The following TRIM36 variants were observed in gnomAD, a reference collection of about 807,000 sequenced individuals.
TRIM36 encodes the protein E3 ubiquitin-protein ligase TRIM36.
A neutral mutation model predicts 72.4 loss-of-function variants in TRIM36; 42 were observed. That is an observed-to-expected ratio of 0.58 (90% CI 0.45 to 0.75). The LOEUF (loss-of-function observed/expected upper bound fraction) is 0.75. Among genes scored for constraint, TRIM36 ranks in the 30% least tolerant of loss-of-function variants. The pLI is 0.00. For missense variants in TRIM36, 913 were observed against 857.1 expected, an observed-to-expected ratio of 1.07 and a Z score of -0.81; for synonymous variants, 315 against 282.8, an observed-to-expected ratio of 1.11 and a Z score of -1.14.
intron 9 of TRIM36, among the ~76,000 whole-genome samples, chr5:115,129,189 G>A (rs1409211517): frequency 2.0e-5 from 3 of 152,166 alleles, no homozygotes; most frequent in South Asian, 4.1e-4. Flanking sequence ...AACACTCTAT[G>A]ATGTTCTCGC....
upstream of TRIM36, chr5:115,180,274 G>T: frequency 2.3e-6 from 1 of 440,110 alleles, no homozygotes; most frequent in South Asian, 3.5e-5. Flanking sequence ...CAGCGGTCGG[G>T]GCTGCGCGAT....
chr5:115,156,196 C>G (rs1428828118), intron 2 of TRIM36, among the ~76,000 whole-genome samples: 1 of 152,086 alleles, frequency 6.6e-6, no homozygotes, highest in Non-Finnish European at 1.5e-5. Flanking sequence ...ATCCCATGCT[C>G]ACGGATAGGT....
At chr5:115,166,313 A>G (rs1754771559) in intron 1 of TRIM36, among the ~76,000 whole-genome samples, 1 of 152,156 alleles carries the variant, frequency 6.6e-6, no homozygotes, top group Admixed American at 6.5e-5. Flanking sequence ...CCGCAAACTC[A>G]GCCAGACTCT....
At chr5:115,175,983 G>A (rs956400294) in intron 1 of TRIM36, among the ~76,000 whole-genome samples, 1 of 152,046 alleles carries the variant, frequency 6.6e-6, no homozygotes, top group Non-Finnish European at 1.5e-5. Flanking sequence ...AAAATTAGCC[G>A]GGCATGGTGG....
At chr5:115,155,215 G>T (rs1754109562) in intron 2 of TRIM36, among the ~76,000 whole-genome samples, 1 of 152,020 alleles carries the variant, frequency 6.6e-6, no homozygotes, top group Non-Finnish European at 1.5e-5. Context: ...AGGTGTGGTG[G>T]CGTGAACCTG....
intron 2 of TRIM36, chr5:115,149,560 C>A (rs1580674535): frequency 1.7e-5 from 1 of 59,850 alleles, no homozygotes; most frequent in Non-Finnish European, 2.8e-5. Context: ...ATTGGGTCCT[C>A]AGAAATTTGA....
upstream of TRIM36, chr5:115,174,322 T>C (rs569438105): frequency 6.6e-6 from 1 of 152,286 alleles, no homozygotes; most frequent in East Asian, 1.9e-4. Context: ...TGCCCCCTTT[T>C]GGGAACCCCT....
At chr5:115,128,657 C>A (rs1352357195) in intron 9 of TRIM36, among the ~76,000 whole-genome samples, 2 of 142,650 alleles carry the variant, frequency 1.4e-5, no homozygotes, top group African/African-American at 5.2e-5. Context: ...GAGGCTGAGG[C>A]AGGAGAATGG....
At chr5:115,151,145 C>A (rs185128373) in intron 2 of TRIM36, among the ~76,000 whole-genome samples, 3 of 152,168 alleles carry the variant, frequency 2.0e-5, no homozygotes, top group Non-Finnish European at 2.9e-5. Context: ...AGTTCTCAGC[C>A]CTGCTCACCC....
At chr5:115,133,337 G>A (rs1752791634) in intron 8 of TRIM36, among the ~76,000 whole-genome samples, 1 of 152,148 alleles carries the variant, frequency 6.6e-6, no homozygotes, top group Non-Finnish European at 1.5e-5. Context: ...CTGGGCATAA[G>A]GAGCTTTTAG....
Position 115,126,320 on chromosome 5 carries a change from T to G in TRIM36, c.*183A>C. 1.8e-6 allele frequency: 1 copy of G among 559,220 alleles called. No homozygotes were observed. The highest frequency in any genetic ancestry group is 3.1e-6 in the Non-Finnish European group (1 of 320,862). 34.6% of individuals were successfully genotyped at this position (559,220 alleles called of 1,614,324 possible). On this transcript the variant is annotated 3_prime_UTR_variant, in exon 10 of 10. Transcript: ENST00000513154. ...AGAACATCTTCACTTTCATCATTTGTGAAAGGCAGAACAACGACATGAAGA... is the reference window on the plus strand; with the variant it reads ...AGAACATCTTCACTTTCATCATTTGGGAAAGGCAGAACAACGACATGAAGA...
intron 1 of TRIM36, chr5:115,179,875 C>T (rs1755534930): frequency 1.7e-6 from 2 of 1,204,164 alleles, no homozygotes; most frequent in Non-Finnish European, 2.4e-6. Flanking sequence ...GCCTCCCGCC[C>T]TTCCCAGGCG....
chr5:115,131,350 A>G (rs1409898880), intron 8 of TRIM36, among the ~76,000 whole-genome samples: 1 of 152,212 alleles, frequency 6.6e-6, no homozygotes, highest in East Asian at 1.9e-4. Context: ...AACATGGCAG[A>G]CATAAGAAAC....
intron 3 of TRIM36, among the ~76,000 whole-genome samples, chr5:115,145,210 A>C (rs1753519859): frequency 6.6e-6 from 1 of 152,206 alleles, no homozygotes; most frequent in African/African-American, 2.4e-5. Flanking sequence ...CTGTTGCTAA[A>C]AGAGTCTCAG....
intron 2 of TRIM36, among the ~76,000 whole-genome samples, chr5:115,150,225 C>T (rs1171605958): frequency 2.6e-5 from 4 of 152,066 alleles, no homozygotes; most frequent in Non-Finnish European, 5.9e-5. Flanking sequence ...AAAATCAAGG[C>T]AATGGAATTA....
intron 3 of TRIM36, among the ~76,000 whole-genome samples, chr5:115,145,057 T>A (rs901510844): frequency 6.6e-6 from 1 of 152,158 alleles, no homozygotes; most frequent in East Asian, 1.9e-4. Context: ...TTCATTCCTA[T>A]CAGATTCAAA....
chr5:115,169,877 T>G lies in TRIM36; in HGVS notation c.-243A>C. On this transcript the variant is annotated 5_prime_UTR_variant, in exon 1 of 10. Coordinates refer to ENST00000513154, the MANE Select transcript of TRIM36 (RefSeq NM_001300759.2). The stretch of plus-strand genomic sequence containing the variant: ...GACTACCCCGGGAATCCCGCCCAGC[T>G]GCCGGCTGCAGCAGCGGCTCCTGCG... 1.2e-5 allele frequency: 16 copies of G among 1,304,020 alleles called. No homozygotes were observed. Among genetic ancestry groups the G allele is most frequent in the Admixed American group, 3.9e-5 (1 of 25,770 alleles). The allele number at this position is 1,304,020 out of a possible 1,614,324, so 80.8% of individuals were successfully genotyped here.
At chr5:115,163,158 T>C (rs1754575089) in intron 2 of TRIM36, among the ~76,000 whole-genome samples, 1 of 152,136 alleles carries the variant, frequency 6.6e-6, no homozygotes, top group African/African-American at 2.4e-5. Context: ...AGTTTCTCCA[T>C]GTTGGTCAGG....
rs1752322219 is a variant in TRIM36 at position 115,125,339 on chromosome 5, T to C, written c.*1164A>G. ...ACACACAATTTAGATAGAATGTAAT[T>C]CCTCAAATTAAAAGATATTTTAAAG... On this transcript the variant is annotated 3_prime_UTR_variant, in exon 10 of 10. Transcript: ENST00000513154. 6.6e-6 allele frequency: 1 copy of C among 152,220 alleles called. No homozygotes were observed. The highest frequency in any genetic ancestry group is 1.9e-4 in the East Asian group (1 of 5,186). 9.4% of individuals were successfully genotyped at this position (152,220 alleles called of 1,614,324 possible). A position where few individuals can be genotyped will look rare whatever the true frequency, so the allele number is the denominator to read the frequency against.
Sources: allele counts gnomAD v4.1 joint callset (sites outside exome capture counted in the v4.1 genomes callset), GRCh38; gene constraint gnomAD v4.1.1; transcripts MANE v1.5; gene names NCBI Gene and HGNC (gene_info 2026-07-23, HGNC 2026-07-21).